Variants in CD8B observed in about 807,000 individuals in gnomAD.
The protein encoded by CD8B is T-cell surface glycoprotein CD8 beta chain.
A neutral mutation model predicts 24.2 loss-of-function variants in CD8B; 6 were observed. The ratio of observed to expected loss-of-function variants is 0.25; its 90% confidence interval spans 0.14 to 0.49. The LOEUF (loss-of-function observed/expected upper bound fraction) is 0.49, where lower values mean the gene tolerates loss of function less well. CD8B is among the 20% of genes least tolerant of loss of function. The probability of loss-of-function intolerance (pLI) is 0.98; values close to 1 mark genes in which losing one functional copy is unlikely to be tolerated. For synonymous variants in CD8B, 84 were observed against 108.3 expected, an observed-to-expected ratio of 0.78 and a Z score of 1.39; for missense variants, 196 against 271.3, an observed-to-expected ratio of 0.72 and a Z score of 1.95.
At chr2:86,847,428 T>C (rs954587978) in intron 3 of CD8B, among the ~76,000 whole-genome samples, 4 of 152,234 alleles carry the variant, frequency 2.6e-5, no homozygotes, top group African/African-American at 9.6e-5. Context: ...CATTTAAATA[T>C]AGGATTAGAG....
At chr2:86,858,001 G>A in intron 2 of CD8B, 56 bp downstream of exon 2, 1 of 1,576,618 alleles carries the variant, frequency 6.3e-7, no homozygotes, top group South Asian at 1.2e-5. Flanking sequence ...CCCAGTGCCT[G>A]GCACGTGCCT....
In CD8B at chr2:86,839,063, CCTAACTT is replaced by C. The variant is rs1172004642; in HGVS notation, c.*3237_*3243del. The stretch of plus-strand genomic sequence containing the variant: ...ACCACTGGACCAAGGGTAACTGTAT[CCTAACTT>C]CTAACAACATATATTTGTTTTGCTT... On this transcript the variant is annotated 3_prime_UTR_variant, in exon 6 of 6. Coordinates refer to ENST00000390655, the MANE Select transcript of CD8B (RefSeq NM_004931.5). 6.6e-6 allele frequency among the ~76,000 whole-genome samples: 1 copy of C among 152,176 alleles called. No individual in the cohort carries two copies. Among genetic ancestry groups the C allele is most frequent in the Non-Finnish European group, 1.5e-5 (1 of 68,032 alleles).
chr2:86,833,195 CTT>C (rs878931885), downstream of CD8B, among the ~76,000 whole-genome samples: 21 of 138,020 alleles, frequency 1.5e-4, no homozygotes, highest in Non-Finnish European at 7.9e-5. Flanking sequence ...GTTAATCTGT[CTT>C]TTTTTTTTTT....
chr2:86,839,297 T>C lies in CD8B; in HGVS notation c.*3010A>G, dbSNP rs1466963681. On this transcript the variant is annotated 3_prime_UTR_variant, in exon 6 of 6. Transcript: ENST00000390655. ...TGTCTGAATTTATCTGACCAGTCCC[T>C]TTTGATGGACATTTGGATTATTTCC... is the stretch of plus-strand genomic sequence containing the variant. Among the ~76,000 whole-genome samples, 1 of 152,228 alleles carries C rather than the reference T, an allele frequency of 6.6e-6. No homozygotes were observed. Among genetic ancestry groups the C allele is most frequent in the East Asian group, 1.9e-4 (1 of 5,198 alleles).
chr2:86,822,185 A>G, intron 5 of CD8B: 1 of 568,568 alleles, frequency 1.8e-6, no homozygotes, highest in Non-Finnish European at 3.1e-6. Flanking sequence ...ATCTTCTAAC[A>G]CAAAATTATA....
At chr2:86,826,681 A>G (rs1573492133) in intron 5 of CD8B, among the ~76,000 whole-genome samples, 1 of 152,288 alleles carries the variant, frequency 6.6e-6, no homozygotes, top group South Asian at 2.1e-4. Context: ...GAACAGGTTC[A>G]AGGTTATTCC....
At chr2:86,853,112 T>A in intron 2 of CD8B, 26 bp from the exon 3 acceptor site, 1 of 1,546,436 alleles carries the variant, frequency 6.5e-7, no homozygotes, top group Non-Finnish European at 8.7e-7. Flanking sequence ...AAGACACATA[T>A]CTTAGCCAAG....
chr2:86,854,688 G>A (rs1175258946), intron 2 of CD8B, among the ~76,000 whole-genome samples: 2 of 152,050 alleles, frequency 1.3e-5, no homozygotes, highest in Non-Finnish European at 2.9e-5. Flanking sequence ...TGGCCACAGA[G>A]TCCAACCCTT....
rs565511013 is a variant in CD8B at position 86,825,079 on chromosome 2, C to T, written c.621-9361G>A. 5.3e-5 allele frequency among the ~76,000 whole-genome samples: 8 copies of T among 152,312 alleles called. No individual in the cohort carries two copies. The South Asian group carries it at 1.7e-3, about 32-fold the overall frequency. On this transcript the variant is annotated intron_variant, in intron 5 of 5. Transcript: ENST00000331469. ...ATGGGCCCTGGAGTTTCCTCCACAG[C>T]TCCTAAGGCAGCTCTGGCACATGAG...
chr2:86,845,221 G>T (rs1335696136), intron 4 of CD8B, among the ~76,000 whole-genome samples: 2 of 152,200 alleles, frequency 1.3e-5, no homozygotes, highest in South Asian at 4.1e-4. Context: ...CATGCCCAAA[G>T]TCATGCAGCT....
At chr2:86,822,645 C>T (rs917821483) in intron 5 of CD8B, among the ~76,000 whole-genome samples, 8 of 152,250 alleles carry the variant, frequency 5.3e-5, no homozygotes, top group Non-Finnish European at 7.4e-5. Flanking sequence ...CACCAAGATG[C>T]GTTTCCCTTG....
At chr2:86,820,524 G>C (rs1282828382) in intron 5 of CD8B, among the ~76,000 whole-genome samples, 1 of 152,090 alleles carries the variant, frequency 6.6e-6, no homozygotes, top group African/African-American at 2.4e-5. Context: ...ATTATTTTTT[G>C]ATTAAGACGT....
rs984972934 is a variant in CD8B at position 86,839,605 on chromosome 2, G to A, written c.*2702C>T. 2.6e-5 allele frequency among the ~76,000 whole-genome samples: 4 copies of A among 152,202 alleles called. No individual in the cohort carries two copies. Among genetic ancestry groups the A allele is most frequent in the South Asian group, 2.1e-4 (1 of 4,832 alleles). The stretch of plus-strand genomic sequence containing the variant: ...GCCTGCTCCAGCTCCCTGGGCAGCC[G>A]GAGCTGAGCCCGCCTCGGCAGGTGC... On this transcript the variant is annotated 3_prime_UTR_variant, in exon 6 of 6. Transcript: ENST00000390655.
At chr2:86,857,641 A>T (rs1049392428) in intron 2 of CD8B, among the ~76,000 whole-genome samples, 3 of 152,004 alleles carry the variant, frequency 2.0e-5, no homozygotes, top group African/African-American at 7.2e-5. Context: ...AATCACTTGA[A>T]CCCGGGAAGC....
chr2:86,848,566 G>A (rs930723478), intron 3 of CD8B, among the ~76,000 whole-genome samples: 3 of 152,026 alleles, frequency 2.0e-5, no homozygotes, highest in Admixed American at 6.6e-5. Flanking sequence ...GCAGATTTGG[G>A]CTTGAGGTTC....
chr2:86,820,189 A>G (rs1558746572), intron 5 of CD8B, among the ~76,000 whole-genome samples: 1 of 152,252 alleles, frequency 6.6e-6, no homozygotes, highest in Non-Finnish European at 1.5e-5. Flanking sequence ...CAGAAGATAG[A>G]GAATGTTACA....
intron 5 of CD8B, among the ~76,000 whole-genome samples, chr2:86,828,827 TG>T (rs1674790869): frequency 6.6e-6 from 1 of 152,206 alleles, no homozygotes; most frequent in South Asian, 2.1e-4. Context: ...CTCTTAAAAA[TG>T]GGGTCCTACT....
Position 86,853,989 on chromosome 2 carries a change from C to A in CD8B, c.404-903G>T, listed in dbSNP as rs1227099361. 2.6e-5 allele frequency among the ~76,000 whole-genome samples: 4 copies of A among 152,280 alleles called. No homozygotes were observed. The East Asian group carries it at 7.7e-4, about 29-fold the overall frequency. On this transcript the variant is annotated intron_variant, in intron 2 of 5. Transcript: ENST00000390655. ...CTCCTGATCTCAGGTAATCCACTCACCTCGGCCTCCAAAAGTGCTAGTATT... is the reference window on the plus strand; with the variant it reads ...CTCCTGATCTCAGGTAATCCACTCAACTCGGCCTCCAAAAGTGCTAGTATT...
At chr2:86,835,444 G>T (rs1210646493), downstream of CD8B, among the ~76,000 whole-genome samples, 2 of 152,162 alleles carry the variant, frequency 1.3e-5, no homozygotes, top group African/African-American at 4.8e-5. Context: ...CCGAAGGCAG[G>T]CCCGCCTTTT....
Sources: gnomAD v4.1 joint callset for allele counts (sites outside exome capture counted in the v4.1 genomes callset) on GRCh38, gnomAD v4.1.1 for gene constraint, MANE v1.5 for transcripts, NCBI Gene and HGNC (gene_info 2026-07-23, HGNC 2026-07-21) for gene names.